Variants in RNLS observed in about 807,000 individuals in gnomAD.
The protein encoded by RNLS is renalase, FAD dependent amine oxidase, also known as renalase.
Under a neutral mutation model 39.8 loss-of-function variants are expected in RNLS, and 39 were observed. That is an observed-to-expected ratio of 0.98 (90% CI 0.76 to 1.28). RNLS has a LOEUF of 1.28. Among genes scored for constraint, RNLS ranks in the 50% most tolerant of loss-of-function variants. RNLS has a pLI of 0.00. For synonymous variants in RNLS, 147 were observed against 150.7 expected (o/e 0.98, Z 0.18); for missense variants, 410 against 413.3 (o/e 0.99, Z 0.07).
chr10:88,172,857 T>TTTTTTTG, the RNLS span, among the ~76,000 whole-genome samples: 3 of 78,104 alleles, frequency 3.8e-5, no homozygotes, highest in Non-Finnish European at 8.8e-5. Flanking sequence ...TTTTTTTTTT[T>TTTTTTTG]TTTTTTTTTT....
chr10:88,434,031 T>C (rs546956235), intron 4 of RNLS, among the ~76,000 whole-genome samples: 3 of 152,270 alleles, frequency 2.0e-5, no homozygotes, highest in South Asian at 4.1e-4. Context: ...ATAGATTCTT[T>C]AGTAAGTTTC....
the RNLS span, among the ~76,000 whole-genome samples, chr10:88,236,386 A>G: frequency 6.6e-6 from 1 of 152,222 alleles, no homozygotes; most frequent in Non-Finnish European, 1.5e-5. Context: ...GGTCACAGGG[A>G]AACACTATTT....
chr10:88,282,381 C>T (rs1843044728), downstream of RNLS, among the ~76,000 whole-genome samples: 1 of 151,884 alleles, frequency 6.6e-6, no homozygotes, highest in Admixed American at 6.6e-5. Flanking sequence ...CCTGGTTGGC[C>T]AAGATCTGTG....
At chr10:88,375,116 T>A (rs1326600428) in intron 4 of RNLS, among the ~76,000 whole-genome samples, 1 of 152,134 alleles carries the variant, frequency 6.6e-6, no homozygotes, top group Non-Finnish European at 1.5e-5. Flanking sequence ...GATCTCTTCT[T>A]AGCTCACCAA....
intron 4 of RNLS, among the ~76,000 whole-genome samples, chr10:88,437,943 A>G (rs931959310): frequency 6.6e-6 from 1 of 152,038 alleles, no homozygotes; most frequent in Non-Finnish European, 1.5e-5. Context: ...CCTGACCAGC[A>G]TGGAGAAACC....
At chr10:88,197,419 C>T in the RNLS span, among the ~76,000 whole-genome samples, 1 of 152,138 alleles carries the variant, frequency 6.6e-6, no homozygotes, top group South Asian at 2.1e-4. Context: ...TCTGCTATTG[C>T]ATGTCAGCAG....
intron 4 of RNLS, among the ~76,000 whole-genome samples, chr10:88,534,997 T>C (rs1589972089): frequency 6.6e-6 from 1 of 152,260 alleles, no homozygotes; most frequent in African/African-American, 2.4e-5. Flanking sequence ...TAAATAAATA[T>C]GAGAGACGGG....
At position 88,572,917 on chromosome 10, in the gene RNLS, C is replaced by T; in HGVS notation, c.512G>A (p.Gly171Asp). 6.2e-7 allele frequency: 1 copy of T among 1,613,678 alleles called. No individual in the cohort carries two copies. Among genetic ancestry groups the T allele is most frequent in the Non-Finnish European group, 8.5e-7 (1 of 1,179,774 alleles). Residue 171 changes from glycine (G) to aspartate (D), a missense_variant, in exon 4 of 7, where the codon GGT (glycine) becomes GAT (aspartate). Gly to Asp is a moderately conservative substitution (Grantham distance 94, BLOSUM62 -1). Transcript: ENST00000331772. The part of the protein sequence containing the change: ...MPVPEILQLQ[G>D]DITTLISECQ... ...AGCAGACTCACAGGTGGTGATGTCA[C>T]CTTGAAGCTGCAGAATCTCAGGAAC...
At chr10:88,217,172 G>T in the RNLS span, among the ~76,000 whole-genome samples, 2 of 152,110 alleles carry the variant, frequency 1.3e-5, no homozygotes, top group Non-Finnish European at 2.9e-5. Context: ...CCTGCTGGGC[G>T]GCACTCTCAA....
chr10:88,461,742 G>C (rs1321571915), intron 4 of RNLS, among the ~76,000 whole-genome samples: 1 of 152,082 alleles, frequency 6.6e-6, no homozygotes, highest in Non-Finnish European at 1.5e-5. Flanking sequence ...TAGGAGGTAT[G>C]TTTGAATAAT....
At chr10:88,174,459 T>G in the RNLS span, among the ~76,000 whole-genome samples, 1 of 152,204 alleles carries the variant, frequency 6.6e-6, no homozygotes, top group Non-Finnish European at 1.5e-5. Context: ...TTGAGAGTTT[T>G]TATCATGAAG....
intron 3 of RNLS, 66 bp from the exon 4 acceptor site, chr10:88,573,127 T>C: frequency 4.7e-6 from 7 of 1,498,670 alleles, no homozygotes; most frequent in Non-Finnish European, 6.4e-6. Flanking sequence ...GGGATGTGAG[T>C]AGTCACAAAC....
At position 88,583,293 on chromosome 10, in the gene RNLS, G is replaced by C; in HGVS notation, c.-103C>G. ...ACCGGCGCTAGCGCTCTTTGGTTCC[G>C]TGCTCCCTGGGCCGACCTGGGCCCT... is the stretch of plus-strand genomic sequence containing the variant. On this transcript the variant is annotated 5_prime_UTR_variant, in exon 1 of 7. Coordinates refer to ENST00000331772, the MANE Select transcript of RNLS (RefSeq NM_001031709.3). 1 of 1,533,000 alleles carries C rather than the reference G, an allele frequency of 6.5e-7. No homozygotes were observed. The highest frequency in any genetic ancestry group is 1.9e-5 in the Admixed American group (1 of 52,538). The allele number at this position is 1,533,000 out of a possible 1,614,324, so 95.0% of individuals were successfully genotyped here.
intron 4 of RNLS, among the ~76,000 whole-genome samples, chr10:88,436,897 T>G (rs1286823188): frequency 6.6e-6 from 1 of 152,248 alleles, no homozygotes; most frequent in Non-Finnish European, 1.5e-5. Flanking sequence ...CATTTCCATA[T>G]ATTATTGATA....
At chr10:88,272,772 A>T (rs753896529), downstream of RNLS, among the ~76,000 whole-genome samples, 2 of 152,192 alleles carry the variant, frequency 1.3e-5, no homozygotes, top group Non-Finnish European at 2.9e-5. Flanking sequence ...AGATACTCAA[A>T]TAGTCTCTAG....
In RNLS at chr10:88,395,128, G is replaced by A. The variant is rs570121304; in HGVS notation, c.527-32403C>T. Among the ~76,000 whole-genome samples the A allele has an allele frequency of 1.3e-4, 19 of 151,176 alleles. No individual in the cohort carries two copies. The South Asian group carries it at 1.9e-3, about 15-fold the overall frequency. On this transcript the variant is annotated intron_variant, in intron 4 of 6. Coordinates refer to ENST00000331772, the MANE Select transcript of RNLS (RefSeq NM_001031709.3). Reference sequence around the variant, plus strand: ...TTAATGGATGCAGCACACCAACATGGCACATGTATACATATGTAACAAACC... The same window carrying A: ...TTAATGGATGCAGCACACCAACATGACACATGTATACATATGTAACAAACC...
At chr10:88,178,681 G>A in the RNLS span, among the ~76,000 whole-genome samples, 1 of 152,148 alleles carries the variant, frequency 6.6e-6, no homozygotes, top group Non-Finnish European at 1.5e-5. Flanking sequence ...CCATACAAGA[G>A]TTATCTATTT....
intron 5 of RNLS, among the ~76,000 whole-genome samples, chr10:88,351,975 G>A (rs187610919): frequency 6.6e-6 from 1 of 152,086 alleles, no homozygotes; most frequent in African/African-American, 2.4e-5. Context: ...ATTGTGAATG[G>A]GATTTCACTC....
chr10:88,178,274 C>A, the RNLS span, among the ~76,000 whole-genome samples: 1 of 152,122 alleles, frequency 6.6e-6, no homozygotes. Context: ...TTATTGGGCC[C>A]TCTGTCAGGT....
Sources: allele counts gnomAD v4.1 joint callset (sites outside exome capture counted in the v4.1 genomes callset), GRCh38; gene constraint gnomAD v4.1.1; transcripts MANE v1.5; gene names NCBI Gene and HGNC (gene_info 2026-07-23, HGNC 2026-07-21).